The following ADGRB3 variants were observed in gnomAD, a reference collection of about 807,000 sequenced individuals.
ADGRB3 encodes adhesion G protein-coupled receptor B3.
A neutral mutation model predicts 193.4 loss-of-function variants in ADGRB3; 37 were observed. That is an observed-to-expected ratio of 0.19 (90% CI 0.15 to 0.25). ADGRB3 has a LOEUF of 0.25. Among genes scored for constraint, ADGRB3 ranks in the 10% least tolerant of loss-of-function variants. The pLI is 1.00. For missense variants in ADGRB3, 1,637 were observed against 1,852.9 expected, an observed-to-expected ratio of 0.88 and a Z score of 2.14; for synonymous variants, 690 against 644.2, an observed-to-expected ratio of 1.07 and a Z score of -1.08.
intron 8 of ADGRB3, among the ~76,000 whole-genome samples, chr6:68,972,891 C>T (rs1768628645): frequency 1.3e-5 from 2 of 152,022 alleles, no homozygotes; most frequent in South Asian, 4.2e-4. Context: ...TGAGAAAAGT[C>T]AAAATATAGT....
At chr6:68,847,826 T>A (rs1463862990) in intron 3 of ADGRB3, among the ~76,000 whole-genome samples, 1 of 150,508 alleles carries the variant, frequency 6.6e-6, no homozygotes, top group African/African-American at 2.5e-5. Flanking sequence ...TCAAAAGGAG[T>A]AAGTAAAATG....
chr6:68,660,115 G>A (rs1934134949), intron 3 of ADGRB3, among the ~76,000 whole-genome samples: 1 of 150,546 alleles, frequency 6.6e-6, no homozygotes, highest in Non-Finnish European at 1.5e-5. Flanking sequence ...CACATTTTAG[G>A]CAATAAACAA....
chr6:68,956,328 T>A, intron 7 of ADGRB3, 140 bp downstream of exon 7: 1 of 934,086 alleles, frequency 1.1e-6, no homozygotes, highest in Non-Finnish European at 1.5e-6. Flanking sequence ...TGTGTGTGTG[T>A]ATACATGTAT....
chr6:69,219,597 C>G (rs1021605213), intron 17 of ADGRB3, among the ~76,000 whole-genome samples: 2 of 150,230 alleles, frequency 1.3e-5, no homozygotes, highest in African/African-American at 2.4e-5. Flanking sequence ...ACAAGGAACA[C>G]AACTGGAGTT....
In ADGRB3 at chr6:68,821,744, A is replaced by C. The variant is rs369627650; in HGVS notation, c.758-108815A>C. Among the ~76,000 whole-genome samples, 6 of 151,916 alleles carry C rather than the reference A, an allele frequency of 3.9e-5. No individual in the cohort carries two copies. In the East Asian group the frequency reaches 9.6e-4, roughly 24 times the overall value. ...TCTGGTAGCAAAGCTGCATTGTTCT[A>C]TTTAAACTTTTGTGGTATTAATTAA... On this transcript the variant is annotated intron_variant, in intron 3 of 31. Transcript: ENST00000370598.
At chr6:68,761,231 G>A (rs1043083816) in intron 3 of ADGRB3, among the ~76,000 whole-genome samples, 14 of 152,192 alleles carry the variant, frequency 9.2e-5, no homozygotes, top group Admixed American at 7.9e-4. Context: ...AGGCAACAAG[G>A]AGAGAGGGAG....
rs1774686720 is a variant in ADGRB3, at chr6:69,151,781, A to G, written c.2480+75743A>G. On this transcript the variant is annotated intron_variant, in intron 17 of 31. Transcript: ENST00000370598. Reference sequence around the variant, plus strand: ...ACTTGACCAAAGCTCACAAGTTGATATGGTTTGGCTGTGTCGCCATCCAAA... The same window carrying G: ...ACTTGACCAAAGCTCACAAGTTGATGTGGTTTGGCTGTGTCGCCATCCAAA... 1.3e-5 allele frequency among the ~76,000 whole-genome samples: 2 copies of G among 152,166 alleles called. 1 individual carries two copies. Among genetic ancestry groups the G allele is most frequent in the African/African-American group, 4.8e-5 (2 of 41,444 alleles).
At chr6:69,013,037 C>T (rs1452789478) in intron 11 of ADGRB3, among the ~76,000 whole-genome samples, 2 of 152,046 alleles carry the variant, frequency 1.3e-5, no homozygotes, top group East Asian at 1.9e-4. Context: ...TTAAGATAAA[C>T]GTCATGCCTT....
At position 68,638,696 on chromosome 6, in the gene ADGRB3, G is replaced by C; in HGVS notation, c.21G>C (p.Leu7=). MKAVRN[L]LIYIFSTYLL... is the part of the protein sequence containing the mutation. The stretch of plus-strand genomic sequence containing the variant: ...ATAGGATGAAGGCTGTTCGTAACCT[G>C]CTGATTTATATATTTTCCACCTATC... The change falls in exon 3 of 32, where the codon CTG becomes CTC. Residue 7 remains leucine, a synonymous_variant. Transcript: ENST00000370598. The C allele has an allele frequency of 6.2e-7, 1 of 1,613,746 alleles. No individual in the cohort carries two copies. Among genetic ancestry groups the C allele is most frequent in the South Asian group, 1.1e-5 (1 of 91,056 alleles).
chr6:69,377,203 A>G (rs1282801870), intron 30 of ADGRB3, among the ~76,000 whole-genome samples: 2 of 152,034 alleles, frequency 1.3e-5, no homozygotes, highest in East Asian at 3.9e-4. Context: ...TGGAGAGAGG[A>G]ATACAGGGCT....
At chr6:68,860,535 C>G (rs989379361) in intron 3 of ADGRB3, among the ~76,000 whole-genome samples, 4 of 152,202 alleles carry the variant, frequency 2.6e-5, no homozygotes, top group African/African-American at 7.2e-5. Flanking sequence ...TGGCCTCCCA[C>G]TCCATCCATG....
chr6:69,259,742 T>A (rs887612385), intron 20 of ADGRB3, among the ~76,000 whole-genome samples: 1 of 151,650 alleles, frequency 6.6e-6, no homozygotes, highest in Non-Finnish European at 1.5e-5. Flanking sequence ...ATGTTTGTGG[T>A]TTTTCCCCTT....
At chr6:69,301,791 G>A (rs1268504945) in intron 20 of ADGRB3, among the ~76,000 whole-genome samples, 1 of 151,824 alleles carries the variant, frequency 6.6e-6, no homozygotes, top group African/African-American at 2.4e-5. Context: ...AAAAAAATCA[G>A]TTTTTCACAA....
In ADGRB3 at chr6:68,930,640, C is replaced by T. The variant is rs756271903; in HGVS notation, c.839C>T (p.Ala280Val). The T allele has an allele frequency of 6.2e-7, 1 of 1,610,836 alleles. No individual in the cohort carries two copies. Among genetic ancestry groups the T allele is most frequent in the Non-Finnish European group, 8.5e-7 (1 of 1,178,112 alleles). ...GAAAAAAGGGTCCCTCAGGAACAAG[C>T]TGATGCTGCTAAATTTATGGCACAA... ...VHEKRVPQEQ[A>V]DAAKFMAQTG... Residue 280 changes from alanine (A) to valine (V), a missense_variant, in exon 4 of 32, where the codon GCT becomes GTT. This residue lies in a region of ADGRB3 where 365 missense variants were observed against 409.8 expected (regional missense o/e 0.89). Coordinates refer to ENST00000370598, the MANE Select transcript of ADGRB3 (RefSeq NM_001704.3).
chr6:68,982,899 C>T (rs1768964219), intron 10 of ADGRB3, among the ~76,000 whole-genome samples: 1 of 152,086 alleles, frequency 6.6e-6, no homozygotes, highest in Non-Finnish European at 1.5e-5. Context: ...GAAACTTTCG[C>T]AGGAGAAAAA....
chr6:69,153,821 A>G (rs534090187), intron 17 of ADGRB3, among the ~76,000 whole-genome samples: 37 of 152,156 alleles, frequency 2.4e-4, no homozygotes, highest in Non-Finnish European at 4.9e-4. Context: ...GTGAAACCCC[A>G]TCTCTACTAA....
chr6:69,305,140 A>G lies in ADGRB3; in HGVS notation c.2815-19732A>G, dbSNP rs529294043. ...GTGAAGGCTAGAAATAATACAGGTA[A>G]CACTGTTAGCACAGTGCCTGGCAGA... On this transcript the variant is annotated intron_variant, in intron 20 of 31. Transcript: ENST00000370598. Among the ~76,000 whole-genome samples the G allele has an allele frequency of 2.0e-5, 3 of 151,584 alleles. No homozygotes were observed. In the South Asian group the frequency reaches 6.2e-4, roughly 31 times the overall value.
At chr6:69,317,995 T>C (rs1410879399) in intron 20 of ADGRB3, among the ~76,000 whole-genome samples, 3 of 151,646 alleles carry the variant, frequency 2.0e-5, no homozygotes, top group South Asian at 4.1e-4. Context: ...TTTCTAATAG[T>C]TTAAAAATTG....
At chr6:68,896,793 T>C (rs950324258) in intron 3 of ADGRB3, among the ~76,000 whole-genome samples, 5 of 152,158 alleles carry the variant, frequency 3.3e-5, no homozygotes, top group African/African-American at 1.2e-4. Flanking sequence ...AAAATACCTG[T>C]CTACTGGGCT....
Sources: gnomAD v4.1 joint callset for allele counts (sites outside exome capture counted in the v4.1 genomes callset) on GRCh38, gnomAD v4.1.1 for gene constraint, gnomAD v4.1.1 regional missense constraint, MANE v1.5 for transcripts, NCBI Gene and HGNC (gene_info 2026-07-23, HGNC 2026-07-21) for gene names.